The following PIGB variants were observed in gnomAD, a reference collection of about 807,000 sequenced individuals.
PIGB encodes the protein phosphatidylinositol glycan anchor biosynthesis class B.
A neutral mutation model predicts 68.4 loss-of-function variants in PIGB; 58 were observed. The ratio of observed to expected loss-of-function variants is 0.85; its 90% confidence interval spans 0.69 to 1.06. The LOEUF (loss-of-function observed/expected upper bound fraction) is 1.06. Ranked by LOEUF, PIGB falls within the 50% of genes least tolerant of loss-of-function variation. The pLI is 0.00. For missense variants in PIGB, 634 were observed against 655.8 expected (o/e 0.97, Z 0.36); for synonymous variants, 219 against 220.5 (o/e 0.99, Z 0.06).
chr15:55,344,166 T>C (rs2055737307), intron 9 of PIGB, among the ~76,000 whole-genome samples: 1 of 152,254 alleles, frequency 6.6e-6, no homozygotes, highest in Non-Finnish European at 1.5e-5. Flanking sequence ...AAACTCCATT[T>C]ATTATAATTT....
At chr15:55,348,591 A>G (rs868245533) in intron 9 of PIGB, 3 of 159,424 alleles carry the variant, frequency 1.9e-5, no homozygotes, top group Middle Eastern at 2.8e-3. Context: ...TGGCTGTACA[A>G]AAGAGCCTGG....
intron 9 of PIGB, among the ~76,000 whole-genome samples, chr15:55,345,192 A>G (rs1048688514): frequency 6.6e-6 from 1 of 151,680 alleles, no homozygotes; most frequent in African/African-American, 2.4e-5. Context: ...AGCTGGCCCC[A>G]TATTCTAATC....
chr15:55,355,081 C>A, intron 11 of PIGB, 103 bp downstream of exon 11: 5 of 1,033,148 alleles, frequency 4.8e-6, no homozygotes, highest in Non-Finnish European at 7.1e-6. Context: ...TGGTCTGTTT[C>A]AACCCACATT....
Position 55,327,518 on chromosome 15 carries a change from T to TGGG in PIGB, c.418-13_418-12insGGG. 6.4e-7 allele frequency: 1 copy of TGGG among 1,555,302 alleles called. No individual in the cohort carries two copies. The highest frequency in any genetic ancestry group is 1.7e-4 in the Middle Eastern group (1 of 5,944). On this transcript the variant is annotated splice_polypyrimidine_tract_variant and intron_variant, in intron 3 of 11. Transcript: ENST00000164305. ...TATTTTTAACATCCTGTTCTTCTTTTTAACTGATGAAGATTTGGATTCCTA... is the reference window on the plus strand; with the variant it reads ...TATTTTTAACATCCTGTTCTTCTTTTGGGTAACTGATGAAGATTTGGATTCCTA...
Position 55,347,983 on chromosome 15 carries a change from CTTTTTTTTTTT to C in PIGB, c.1124-2702_1124-2692del, listed in dbSNP as rs576991463. On this transcript the variant is annotated intron_variant, in intron 9 of 11. Coordinates refer to ENST00000164305, the MANE Select transcript of PIGB (RefSeq NM_004855.5). ...TATTGTATTCCTAGTGCCATAGTTTCTTTTTTTTTTTTTTTTTTTTTTTTGAGACGACATCT... is the reference window on the plus strand; with the variant it reads ...TATTGTATTCCTAGTGCCATAGTTTCTTTTTTTTTTTTTGAGACGACATCT... Among the ~76,000 whole-genome samples the C allele has an allele frequency of 1.3e-4, 12 of 94,004 alleles. No homozygotes were observed. The Admixed American group carries it at 1.6e-3, about 12-fold the overall frequency. The allele number at this position is 94,004 out of a possible 152,430, so 61.7% of individuals were successfully genotyped here.
chr15:55,337,469 A>G (rs2055563489), intron 6 of PIGB, among the ~76,000 whole-genome samples: 1 of 152,204 alleles, frequency 6.6e-6, no homozygotes, highest in Non-Finnish European at 1.5e-5. Context: ...TGTGAACCCT[A>G]CTGTGAACTG....
At chr15:55,335,430 A>G (rs2055512582) in intron 6 of PIGB, among the ~76,000 whole-genome samples, 1 of 152,246 alleles carries the variant, frequency 6.6e-6, no homozygotes, top group Non-Finnish European at 1.5e-5. Flanking sequence ...TGTGCCAGGC[A>G]GTGTTCCAGA....
At chr15:55,351,054 G>A in intron 10 of PIGB, 142 bp downstream of exon 10, 1 of 585,232 alleles carries the variant, frequency 1.7e-6, no homozygotes, top group Non-Finnish European at 3.0e-6. Context: ...TTCACTGATG[G>A]ATTTTAAAAA....
chr15:55,333,518 G>A (rs556595765), intron 5 of PIGB, among the ~76,000 whole-genome samples: 52 of 152,250 alleles, frequency 3.4e-4, no homozygotes, highest in African/African-American at 1.2e-3. Context: ...ATCACCTGAC[G>A]TCAGGAGTTT....
At chr15:55,329,992 T>C in intron 5 of PIGB, 138 bp downstream of exon 5, 1 of 587,016 alleles carries the variant, frequency 1.7e-6, no homozygotes, top group Non-Finnish European at 3.0e-6. Flanking sequence ...TGATATATTA[T>C]AGCAGAAAAC....
intron 11 of PIGB, 23 bp from the exon 12 acceptor site, chr15:55,355,263 C>T (rs760160969): frequency 1.3e-6 from 2 of 1,579,920 alleles, no homozygotes; most frequent in Admixed American, 1.8e-5. Flanking sequence ...CCTTTATTTA[C>T]TTAAACATTT....
At chr15:55,343,085 T>A (rs1204332075) in intron 9 of PIGB, 1 of 152,102 alleles carries the variant, frequency 6.6e-6, no homozygotes, top group Non-Finnish European at 1.5e-5. Context: ...ATACATCAAC[T>A]CCTACAGATC....
chr15:55,323,975 C>T (rs1234970087), intron 3 of PIGB, among the ~76,000 whole-genome samples: 2 of 152,178 alleles, frequency 1.3e-5, no homozygotes, highest in Non-Finnish European at 2.9e-5. Context: ...GTAACTGCCG[C>T]CTCCCGGGTT....
chr15:55,343,896 G>A (rs1038576352), intron 9 of PIGB, among the ~76,000 whole-genome samples: 2 of 152,148 alleles, frequency 1.3e-5, no homozygotes, highest in African/African-American at 4.8e-5. Context: ...ATGCCAAGAG[G>A]TTCCAACAGT....
chr15:55,351,110 CTTTT>C (rs374683561), intron 10 of PIGB, among the ~76,000 whole-genome samples, 198 bp downstream of exon 10: 3 of 135,712 alleles, frequency 2.2e-5, no homozygotes, highest in African/African-American at 2.8e-5. Flanking sequence ...AACTTTTTTT[CTTTT>C]TTTTTTTTTT....
chr15:55,320,018 T>A (rs56815391), intron 1 of PIGB: 24,897 of 293,306 alleles, frequency 0.085, 1,583 homozygotes, highest in African/African-American at 0.18. Context: ...CACTCTTTTT[T>A]TTTTGTATTT....
intron 9 of PIGB, among the ~76,000 whole-genome samples, chr15:55,347,157 G>A (rs1280699035): frequency 6.6e-6 from 1 of 152,248 alleles, no homozygotes; most frequent in Non-Finnish European, 1.5e-5. Flanking sequence ...GTTCTGGCTG[G>A]GCGCTGTGGC....
rs1329966799 is a variant in PIGB, at chr15:55,341,773, C to A, written c.1094C>A (p.Pro365Gln). The part of the protein sequence containing the change: ...LSHKEFRFIY[P>Q]VLPFCMVFCG... ...CACAAAGAATTCAGGTTTATTTATC[C>A]AGTTTTACCATTCTGTATGGTGTTC... Residue 365 changes from proline (P) to glutamine (Q), a missense_variant, in exon 9 of 12, where the codon CCA becomes CAA. By Grantham distance (76) the Pro-to-Gln change is moderately conservative. Coordinates refer to ENST00000164305, the MANE Select transcript of PIGB (RefSeq NM_004855.5). 1 of 1,457,386 alleles carries A rather than the reference C, an allele frequency of 6.9e-7. No homozygotes were observed. The highest frequency in any genetic ancestry group is 1.5e-5 in the South Asian group (1 of 66,824). 90.3% of individuals were successfully genotyped at this position (1,457,386 alleles called of 1,614,324 possible).
chr15:55,347,204 C>A (rs957711248), intron 9 of PIGB, among the ~76,000 whole-genome samples: 8 of 152,184 alleles, frequency 5.3e-5, no homozygotes, highest in Non-Finnish European at 7.3e-5. Context: ...GAGGCTGTGG[C>A]GGGCAGATCA....
Sources: gnomAD v4.1 joint callset for allele counts (sites outside exome capture counted in the v4.1 genomes callset) on GRCh38, gnomAD v4.1.1 for gene constraint, MANE v1.5 for transcripts, NCBI Gene and HGNC (gene_info 2026-07-23, HGNC 2026-07-21) for gene names.